The following WWOX variants were observed in gnomAD, a reference collection of about 807,000 sequenced individuals.
The protein encoded by WWOX is WW domain-containing oxidoreductase.
A neutral mutation model predicts 46.2 loss-of-function variants in WWOX; 69 were observed. The observed-to-expected ratio is 1.49, with a 90% CI of 1.23 to 1.82. The LOEUF is 1.82. Ranked by LOEUF, WWOX falls within the 40% of genes most tolerant of loss-of-function variation. The pLI, the probability that WWOX is intolerant of heterozygous loss-of-function variation, is 0.00. For missense variants in WWOX, 919 were observed against 542.6 expected, an observed-to-expected ratio of 1.69 and a Z score of -6.89; for synonymous variants, 359 against 202.6, an observed-to-expected ratio of 1.77 and a Z score of -6.56.
In WWOX at chr16:78,948,628, T is replaced by G. The variant is rs143388076; in HGVS notation, c.1057-262980T>G. Among the ~76,000 whole-genome samples, 34 of 152,132 alleles carry G rather than the reference T, an allele frequency of 2.2e-4. No individual in the cohort carries two copies. The East Asian group carries it at 6.1e-3, about 27-fold the overall frequency. The stretch of plus-strand genomic sequence containing the variant: ...TCCTGCTTGTCTGAAGAGCATAAAC[T>G]TGGGGGTTCCCACTCGAAAAGAGGT... On this transcript the variant is annotated intron_variant, in intron 8 of 8. Coordinates refer to ENST00000566780, the MANE Select transcript of WWOX (RefSeq NM_016373.4).
intron 8 of WWOX, among the ~76,000 whole-genome samples, chr16:79,003,032 A>C (rs1379305057): frequency 1.3e-5 from 2 of 152,214 alleles, no homozygotes; most frequent in Admixed American, 6.5e-5. Flanking sequence ...CATGCCAGCC[A>C]CAGGGCCTCA....
intron 8 of WWOX, among the ~76,000 whole-genome samples, chr16:78,868,202 G>T (rs2044048403): frequency 6.6e-6 from 1 of 152,094 alleles, no homozygotes; most frequent in Admixed American, 6.6e-5. Flanking sequence ...GCAATGAAAA[G>T]GAACTAACTC....
chr16:78,789,293 G>C (rs2142584718), intron 8 of WWOX, among the ~76,000 whole-genome samples: 1 of 152,258 alleles, frequency 6.6e-6, no homozygotes, highest in Non-Finnish European at 1.5e-5. Flanking sequence ...CTTATGTTAA[G>C]ACTTTTGATC....
rs141478698 is a variant in WWOX at position 79,126,815 on chromosome 16, A to G, written c.1057-84793A>G. Among the ~76,000 whole-genome samples the G allele has an allele frequency of 1.1e-4, 16 of 152,268 alleles. No individual in the cohort carries two copies. The East Asian group carries it at 2.5e-3, about 24-fold the overall frequency. On this transcript the variant is annotated intron_variant, in intron 8 of 8. Coordinates refer to ENST00000566780, the MANE Select transcript of WWOX (RefSeq NM_016373.4). Reference sequence around the variant, plus strand: ...TCCATGCAGAATGACTGGATGTCCTATAGGACATGCAAAGCCACAGGGAAT... The same window carrying G: ...TCCATGCAGAATGACTGGATGTCCTGTAGGACATGCAAAGCCACAGGGAAT...
chr16:78,843,939 A>G (rs1049167295), intron 8 of WWOX, among the ~76,000 whole-genome samples: 1 of 152,336 alleles, frequency 6.6e-6, no homozygotes, highest in Admixed American at 6.5e-5. Context: ...GCAACACCGA[A>G]AAGCGTAATT....
At chr16:78,868,105 T>C (rs1449457702) in intron 8 of WWOX, among the ~76,000 whole-genome samples, 1 of 152,164 alleles carries the variant, frequency 6.6e-6, no homozygotes, top group African/African-American at 2.4e-5. Flanking sequence ...TCATCCATGA[T>C]AGCCAAACGC....
chr16:78,921,337 T>A (rs897315945), intron 8 of WWOX, among the ~76,000 whole-genome samples: 1 of 152,216 alleles, frequency 6.6e-6, no homozygotes, highest in Non-Finnish European at 1.5e-5. Flanking sequence ...ATGAAAGTTC[T>A]AGCTGACATA....
intron 8 of WWOX, among the ~76,000 whole-genome samples, chr16:78,703,127 A>T (rs1437313104): frequency 1.3e-5 from 2 of 152,166 alleles, no homozygotes; most frequent in Non-Finnish European, 2.9e-5. Flanking sequence ...GTCAGGAGGC[A>T]AATCAAGAGC....
chr16:78,764,778 A>G (rs2049888962), intron 8 of WWOX, among the ~76,000 whole-genome samples: 1 of 151,712 alleles, frequency 6.6e-6, no homozygotes, highest in Non-Finnish European at 1.5e-5. Flanking sequence ...TTTCTAGCAC[A>G]GTGTCTTGAA....
At chr16:78,351,755 C>G (rs547968173) in intron 5 of WWOX, among the ~76,000 whole-genome samples, 8 of 152,294 alleles carry the variant, frequency 5.3e-5, no homozygotes, top group African/African-American at 1.7e-4. Flanking sequence ...CTCCCAGGTT[C>G]AAGCGATTCT....
intron 5 of WWOX, among the ~76,000 whole-genome samples, chr16:78,222,344 G>GAAAAA (rs397802718): frequency 7.4e-6 from 1 of 135,504 alleles, no homozygotes. Context: ...CGACTTAATA[G>GAAAAA]AAAAAAAAAA....
chr16:78,909,771 C>T (rs540076960), intron 8 of WWOX, among the ~76,000 whole-genome samples: 7 of 152,300 alleles, frequency 4.6e-5, no homozygotes, highest in African/African-American at 1.7e-4. Context: ...CATGCGTCAA[C>T]TTAGTCCAAA....
At chr16:78,545,147 A>G (rs981602684) in intron 8 of WWOX, among the ~76,000 whole-genome samples, 3 of 152,154 alleles carry the variant, frequency 2.0e-5, no homozygotes, top group Admixed American at 2.0e-4. Context: ...GCACTTTAGG[A>G]CTGACTGATT....
chr16:79,143,420 G>T (rs969237098), intron 8 of WWOX, among the ~76,000 whole-genome samples: 2 of 152,134 alleles, frequency 1.3e-5, no homozygotes, highest in African/African-American at 4.8e-5. Flanking sequence ...TGCAGGGAAG[G>T]CTTTATGACT....
chr16:78,714,410 C>T (rs2048516325), intron 8 of WWOX, among the ~76,000 whole-genome samples: 1 of 152,084 alleles, frequency 6.6e-6, no homozygotes, highest in South Asian at 2.1e-4. Context: ...TATTCACTGT[C>T]ACGAGAACAG....
chr16:78,814,215 G>A (rs958800710), intron 8 of WWOX, among the ~76,000 whole-genome samples: 3 of 152,066 alleles, frequency 2.0e-5, no homozygotes, highest in African/African-American at 7.2e-5. Flanking sequence ...GAGAATTTTG[G>A]CAAAAATGTG....
At chr16:78,453,832 A>AC (rs933492424) in intron 8 of WWOX, among the ~76,000 whole-genome samples, 3 of 151,348 alleles carry the variant, frequency 2.0e-5, no homozygotes, top group Non-Finnish European at 4.4e-5. Context: ...TACCAAAACC[A>AC]TTTTTTTTTA....
chr16:78,475,886 C>G (rs1195600436), intron 8 of WWOX, among the ~76,000 whole-genome samples: 3 of 152,150 alleles, frequency 2.0e-5, no homozygotes, highest in Non-Finnish European at 4.4e-5. Flanking sequence ...AAAACTCTAC[C>G]TTTTAAAAAT....
At chr16:78,490,626 T>C (rs1356067074) in intron 8 of WWOX, among the ~76,000 whole-genome samples, 2 of 152,174 alleles carry the variant, frequency 1.3e-5, no homozygotes, top group Non-Finnish European at 2.9e-5. Flanking sequence ...CAAACGATCC[T>C]CTGATTGCTC....
Sources: gnomAD v4.1 joint callset for allele counts (sites outside exome capture counted in the v4.1 genomes callset) on GRCh38, gnomAD v4.1.1 for gene constraint, MANE v1.5 for transcripts, NCBI Gene and HGNC (gene_info 2026-07-23, HGNC 2026-07-21) for gene names.